The following ADRA2B variants were observed in gnomAD, a reference collection of about 807,000 sequenced individuals.
The protein encoded by ADRA2B is adrenoceptor alpha 2B.
In ADRA2B, 14 loss-of-function variants were observed where a neutral mutation model predicts 14.4. The observed-to-expected ratio is 0.97, with a 90% confidence interval of 0.64 to 1.52. ADRA2B has a LOEUF of 1.52. Among genes scored for constraint, ADRA2B ranks in the 40% most tolerant of loss-of-function variants. The pLI, the probability that ADRA2B is intolerant of heterozygous loss-of-function variation, is 0.00. For missense variants in ADRA2B, 606 were observed against 603.2 expected (o/e 1.00, Z -0.05); for synonymous variants, 250 against 263.7 (o/e 0.95, Z 0.50).
Position 96,113,775 on chromosome 2 carries a change from A to G in ADRA2B, c.*1022T>C, listed in dbSNP as rs1050193874. Reference sequence around the variant, plus strand: ...TTGCAGCCAGAAGAACACATTCTCAAAGAGATCCTTTAACTTGAAATAGTG... The same window carrying G: ...TTGCAGCCAGAAGAACACATTCTCAGAGAGATCCTTTAACTTGAAATAGTG... On this transcript the variant is annotated 3_prime_UTR_variant, in exon 1 of 1. Coordinates refer to ENST00000620793, the MANE Select transcript of ADRA2B (RefSeq NM_000682.7). The G allele has an allele frequency of 2.1e-6, 1 of 465,600 alleles. No homozygotes were observed. The highest frequency in any genetic ancestry group is 2.8e-6 in the Non-Finnish European group (1 of 354,850). 28.8% of individuals were successfully genotyped at this position (465,600 alleles called of 1,614,324 possible). A position where few individuals can be genotyped will look rare whatever the true frequency, so the allele number is the denominator to read the frequency against.
chr2:96,116,547 GC>G lies in ADRA2B; in HGVS notation c.-399del, dbSNP rs1407340801. 2.0e-5 allele frequency among the ~76,000 whole-genome samples: 3 copies of G among 152,090 alleles called. No homozygotes were observed. The highest frequency in any genetic ancestry group is 7.2e-5 in the African/African-American group (3 of 41,414). On this transcript the variant is annotated 5_prime_UTR_variant, in exon 1 of 1. Coordinates refer to ENST00000620793, the MANE Select transcript of ADRA2B (RefSeq NM_000682.7). ...GCGCCCGCTCAGCTCGCAGGCTTTC[GC>G]CCCAGCCGCGCCTGCAGGGGAGTGG...
At position 96,114,086 on chromosome 2, in the gene ADRA2B, C is replaced by G; in HGVS notation, c.*711G>C. The stretch of plus-strand genomic sequence containing the variant: ...GGGGATCTCCCGTCGAGGCAGAGAC[C>G]AGGCCTCCAAGACCGCCCCAGCGAG... On this transcript the variant is annotated 3_prime_UTR_variant, in exon 1 of 1. Coordinates refer to ENST00000620793, the MANE Select transcript of ADRA2B (RefSeq NM_000682.7). 1.0e-6 allele frequency: 1 copy of G among 985,798 alleles called. No individual in the cohort carries two copies. Among genetic ancestry groups the G allele is most frequent in the Non-Finnish European group, 1.2e-6 (1 of 829,944 alleles). The allele number at this position is 985,798 out of a possible 1,614,324, so 61.1% of individuals were successfully genotyped here.
In ADRA2B at chr2:96,114,891, G is replaced by A. The variant is rs757656713; in HGVS notation, c.1259C>T (p.Ser420Leu). The change falls in exon 1 of 1, where the codon TCA (serine) becomes TTA (leucine). Residue 420 changes from serine to leucine, a missense_variant. Ser to Leu is a moderately radical substitution (Grantham distance 145). Transcript: ENST00000620793. ...GATGGTGTAGATAACAGGGTTCAGT[G>A]AGCTGTTGCAGTAGCCGATCCAGAA... ...FFFWIGYCNSSLNPVIYTIFN... is the reference protein window; with the variant it reads ...FFFWIGYCNSLLNPVIYTIFN... The A allele has an allele frequency of 6.2e-7, 1 of 1,613,944 alleles. No homozygotes were observed. Among genetic ancestry groups the A allele is most frequent in the Non-Finnish European group, 8.5e-7 (1 of 1,179,968 alleles).
In ADRA2B at chr2:96,114,683, C is replaced by T; in HGVS notation, c.*114G>A. ...CAAGGGGTTCCTAAGATGAGGCCTACAGGATCTGGGCAGGGAGCAGAAAGC... is the reference window on the plus strand; with the variant it reads ...CAAGGGGTTCCTAAGATGAGGCCTATAGGATCTGGGCAGGGAGCAGAAAGC... On this transcript the variant is annotated 3_prime_UTR_variant, in exon 1 of 1. Coordinates refer to ENST00000620793, the MANE Select transcript of ADRA2B (RefSeq NM_000682.7). 2 of 1,450,584 alleles carry T rather than the reference C, an allele frequency of 1.4e-6. No homozygotes were observed. The highest frequency in any genetic ancestry group is 1.8e-6 in the Non-Finnish European group (2 of 1,106,146). The allele number at this position is 1,450,584 out of a possible 1,614,324, so 89.9% of individuals were successfully genotyped here. A position where few individuals can be genotyped will look rare whatever the true frequency, so the allele number is the denominator to read the frequency against.
rs1196364810 is a variant in ADRA2B at position 96,116,541 on chromosome 2, G to T, written c.-392C>A. On this transcript the variant is annotated 5_prime_UTR_variant, in exon 1 of 1. Coordinates refer to ENST00000620793, the MANE Select transcript of ADRA2B (RefSeq NM_000682.7). Reference sequence around the variant, plus strand: ...GACCTTGCGCCCGCTCAGCTCGCAGGCTTTCGCCCCAGCCGCGCCTGCAGG... The same window carrying T: ...GACCTTGCGCCCGCTCAGCTCGCAGTCTTTCGCCCCAGCCGCGCCTGCAGG... 2.0e-5 allele frequency among the ~76,000 whole-genome samples: 3 copies of T among 152,142 alleles called. No homozygotes were observed. Among genetic ancestry groups the T allele is most frequent in the Non-Finnish European group, 4.4e-5 (3 of 68,012 alleles).
In ADRA2B at chr2:96,113,940, G is replaced by A. The variant is rs1681804761; in HGVS notation, c.*857C>T. The A allele has an allele frequency of 1.0e-6, 1 of 985,840 alleles. No homozygotes were observed. The highest frequency in any genetic ancestry group is 1.7e-5 in the African/African-American group (1 of 57,342). 61.1% of individuals were successfully genotyped at this position (985,840 alleles called of 1,614,324 possible). A position where few individuals can be genotyped will look rare whatever the true frequency, so the allele number is the denominator to read the frequency against. ...ATATCACCATATAATCACATTTTTG[G>A]TTCTCTAGTGTGTTCCCCCACAGAG... On this transcript the variant is annotated 3_prime_UTR_variant, in exon 1 of 1. Transcript: ENST00000620793.
rs181713863 is a variant in ADRA2B at position 96,113,771 on chromosome 2, C to T, written c.*1026G>A. 1,097 of 449,878 alleles carry T rather than the reference C, an allele frequency of 2.4e-3. 6 individuals are homozygous for T. The highest frequency in any genetic ancestry group is 0.02 in the Middle Eastern group (18 of 890). 27.9% of individuals were successfully genotyped at this position (449,878 alleles called of 1,614,324 possible). ...ACCTTTGCAGCCAGAAGAACACATT[C>T]TCAAAGAGATCCTTTAACTTGAAAT... On this transcript the variant is annotated 3_prime_UTR_variant, in exon 1 of 1. Transcript: ENST00000620793.
chr2:96,115,632 A>G lies in ADRA2B; in HGVS notation c.518T>C (p.Ile173Thr). 1.2e-6 allele frequency: 2 copies of G among 1,613,860 alleles called. No homozygotes were observed. The highest frequency in any genetic ancestry group is 1.3e-5 in the African/African-American group (1 of 75,072). Residue 173 changes from isoleucine (I) to threonine (T), a missense_variant, in exon 1 of 1, where the codon ATC becomes ACC. Transcript: ENST00000620793. The stretch of plus-strand genomic sequence containing the variant: ...GAAAGATCCGATGCTGGAGGCCAGG[A>G]TGTACCAGGCCTCCTGGTTGAGCTT... ...QCKLNQEAWY[I>T]LASSIGSFFA... is the part of the protein sequence containing the mutation.
Position 96,114,844 on chromosome 2 carries a change from C to G in ADRA2B, c.1306G>C (p.Ala436Pro), listed in dbSNP as rs369918003. ...GGGCGGCACAGGATCCTCCGGAAGG[C>G]ACGGCGGAAGTCCTGGTTGAAGATG... is the stretch of plus-strand genomic sequence containing the variant. ...YTIFNQDFRRAFRRILCRPWT... is the reference protein window; with the variant it reads ...YTIFNQDFRRPFRRILCRPWT... Residue 436 changes from alanine to proline, a missense_variant, in exon 1 of 1, where the codon GCC (alanine) becomes CCC (proline). Physicochemically the swap from Ala to Pro is conservative, Grantham distance 27 (BLOSUM62 -1). Transcript: ENST00000620793. 1 of 1,613,900 alleles carries G rather than the reference C, an allele frequency of 6.2e-7. No homozygotes were observed.
Position 96,114,429 on chromosome 2 carries a change from G to C in ADRA2B, c.*368C>G. On this transcript the variant is annotated 3_prime_UTR_variant, in exon 1 of 1. Coordinates refer to ENST00000620793, the MANE Select transcript of ADRA2B (RefSeq NM_000682.7). ...ACACCACAAGCAAGTGACCTGCCAG[G>C]AACACAAGGTCCTCAAGAAAGGGAA... is the stretch of plus-strand genomic sequence containing the variant. 9.7e-7 allele frequency: 1 copy of C among 1,035,518 alleles called. No individual in the cohort carries two copies. The highest frequency in any genetic ancestry group is 1.2e-6 in the Non-Finnish European group (1 of 860,442). 64.1% of individuals were successfully genotyped at this position (1,035,518 alleles called of 1,614,324 possible).
At position 96,115,034 on chromosome 2, in the gene ADRA2B, C is replaced by G. The variant is rs1681831452; in HGVS notation, c.1116G>C (p.Val372=). 1 of 1,613,660 alleles carries G rather than the reference C, an allele frequency of 6.2e-7. No individual in the cohort carries two copies. Among genetic ancestry groups the G allele is most frequent in the South Asian group, 1.1e-5 (1 of 91,058 alleles). The change falls in exon 1 of 1, where the codon GTG becomes GTC. Residue 372 remains valine, a synonymous_variant. Coordinates refer to ENST00000620793, the MANE Select transcript of ADRA2B (RefSeq NM_000682.7). ...CAAAAACGCCAATGACCACAGCCAG[C>G]ACGAAGGTGAAGCGCTTCTCCCGGG... ...QLTREKRFTF[V]LAVVIGVFVL...
rs1319995024 is a variant in ADRA2B, at chr2:96,116,041, C to T, written c.109G>A (p.Val37Met). 11 of 1,613,304 alleles carry T rather than the reference C, an allele frequency of 6.8e-6. No homozygotes were observed. Among genetic ancestry groups the T allele is most frequent in the Admixed American group, 1.7e-5 (1 of 59,974 alleles). ...GCGCGCAGCGAGCGGCTGGTCAACA[C>T]AGCCAGGATGACCAGAGCGTTGCCG... is the stretch of plus-strand genomic sequence containing the variant. Reference protein sequence around the residue: ...IFGNALVILAVLTSRSLRAPQ... With the variant: ...IFGNALVILAMLTSRSLRAPQ... The change falls in exon 1 of 1, where the codon GTG becomes ATG. Residue 37 changes from valine to methionine, a missense_variant. By Grantham distance (21) the Val-to-Met change is conservative (BLOSUM62 1). Coordinates refer to ENST00000620793, the MANE Select transcript of ADRA2B (RefSeq NM_000682.7).
At position 96,115,933 on chromosome 2, in the gene ADRA2B, C is replaced by T. The variant is rs1681864355; in HGVS notation, c.217G>A (p.Glu73Lys). The T allele has an allele frequency of 6.2e-7, 1 of 1,613,758 alleles. No homozygotes were observed. The highest frequency in any genetic ancestry group is 1.3e-5 in the African/African-American group (1 of 75,048). ...TLIIPFSLAN[E>K]LLGYWYFRRT... ...CGGAAGTACCAGTAGCCCAGCAGCT[C>T]GTTGGCCAGCGAGAAAGGGATGATG... The change falls in exon 1 of 1, where the codon GAG (glutamate) becomes AAG (lysine). Residue 73 changes from glutamate to lysine, a missense_variant. Glu to Lys is a moderately conservative substitution (Grantham distance 56). Coordinates refer to ENST00000620793, the MANE Select transcript of ADRA2B (RefSeq NM_000682.7).
chr2:96,114,932 G>T lies in ADRA2B; in HGVS notation c.1218C>A (p.Gly406=), dbSNP rs1323599742. 6 of 1,613,852 alleles carry T rather than the reference G, an allele frequency of 3.7e-6. No homozygotes were observed. The highest frequency in any genetic ancestry group is 5.1e-6 in the Non-Finnish European group (6 of 1,179,822). The change falls in exon 1 of 1, where the codon GGC becomes GGA. Residue 406 remains glycine (G), a synonymous_variant. Transcript: ENST00000620793. ...CGATCCAGAAGAAGAACTGGAAGAG[G>T]CCATGGGGCACCTTGCAGTGCTTCG... ...ICPKHCKVPH[G]LFQFFFWIGY... is the part of the protein sequence containing the mutation.
rs1264140933 is a variant in ADRA2B at position 96,113,888 on chromosome 2, T to C, written c.*909A>G. ...CAAAAGTCTACAGGAAGACAGGTGG[T>C]GGTAAACACAGAGGAAAGGGATTTT... On this transcript the variant is annotated 3_prime_UTR_variant, in exon 1 of 1. Coordinates refer to ENST00000620793, the MANE Select transcript of ADRA2B (RefSeq NM_000682.7). 1.0e-6 allele frequency: 1 copy of C among 985,716 alleles called. No homozygotes were observed. Among genetic ancestry groups the C allele is most frequent in the East Asian group, 1.1e-4 (1 of 8,832 alleles). 61.1% of individuals were successfully genotyped at this position (985,716 alleles called of 1,614,324 possible). A position where few individuals can be genotyped will look rare whatever the true frequency, so the allele number is the denominator to read the frequency against.
rs1156767156 is a variant in ADRA2B at position 96,115,939 on chromosome 2, C to G, written c.211G>C (p.Ala71Pro). The change falls in exon 1 of 1, where the codon GCC becomes CCC. Residue 71 changes from alanine to proline, a missense_variant. Ala to Pro is a conservative substitution (Grantham distance 27, BLOSUM62 -1). Coordinates refer to ENST00000620793, the MANE Select transcript of ADRA2B (RefSeq NM_000682.7). ...VATLIIPFSLANELLGYWYFR... is the reference protein window; with the variant it reads ...VATLIIPFSLPNELLGYWYFR... The stretch of plus-strand genomic sequence containing the variant: ...TACCAGTAGCCCAGCAGCTCGTTGG[C>G]CAGCGAGAAAGGGATGATGAGCGTG... 4 of 1,613,756 alleles carry G rather than the reference C, an allele frequency of 2.5e-6. No homozygotes were observed. Among genetic ancestry groups the G allele is most frequent in the Non-Finnish European group, 3.4e-6 (4 of 1,179,902 alleles).
Position 96,114,999 on chromosome 2 carries a change from C to T in ADRA2B, c.1151G>A (p.Trp384Ter), listed in dbSNP as rs1204008250. 1 of 1,613,690 alleles carries T rather than the reference C, an allele frequency of 6.2e-7. No homozygotes were observed. The highest frequency in any genetic ancestry group is 8.5e-7 in the Non-Finnish European group (1 of 1,179,740). ...GCTGTAGCTGAAGAAGAAGGGGAAC[C>T]AGCAGAGCACAAAAACGCCAATGAC... ...AVVIGVFVLC[W>*]FPFFFSYSLG... The change falls in exon 1 of 1, where the codon TGG becomes TAG. Residue 384 changes from tryptophan to a stop codon, truncating the protein, a stop_gained. Coordinates refer to ENST00000620793, the MANE Select transcript of ADRA2B (RefSeq NM_000682.7). LOFTEE classifies it high-confidence loss of function.
At position 96,114,625 on chromosome 2, in the gene ADRA2B, A is replaced by T; in HGVS notation, c.*172T>A. ...GCCGGCAAGGGGAAGCTTCACTGGG[A>T]CCCTTGCTAGCAGCCCCCCTGCCCA... On this transcript the variant is annotated 3_prime_UTR_variant, in exon 1 of 1. Transcript: ENST00000620793. 7.0e-7 allele frequency: 1 copy of T among 1,427,112 alleles called. No individual in the cohort carries two copies. The highest frequency in any genetic ancestry group is 2.5e-5 in the East Asian group (1 of 39,704). 88.4% of individuals were successfully genotyped at this position (1,427,112 alleles called of 1,614,324 possible). A position where few individuals can be genotyped will look rare whatever the true frequency, so the allele number is the denominator to read the frequency against.
Position 96,115,351 on chromosome 2 carries a change from T to C in ADRA2B, c.799A>G (p.Thr267Ala). 6.2e-7 allele frequency: 1 copy of C among 1,604,808 alleles called. No homozygotes were observed. The highest frequency in any genetic ancestry group is 1.1e-5 in the South Asian group (1 of 90,316). The change falls in exon 1 of 1, where the codon ACC (threonine) becomes GCC (alanine). Residue 267 changes from threonine (T) to alanine (A), a missense_variant. Transcript: ENST00000620793. ...GCCCAACTGGGTGGCAAGGCCCGGG[T>C]CCCAGTATCTTCAGGGGTCTCCCCC... ...EEGETPEDTG[T>A]RALPPSWAAL...
Sources: allele counts gnomAD v4.1 joint callset (sites outside exome capture counted in the v4.1 genomes callset), GRCh38; gene constraint gnomAD v4.1.1; transcripts MANE v1.5; gene names NCBI Gene and HGNC (gene_info 2026-07-23, HGNC 2026-07-21).